Variants in SPATC1L observed in about 807,000 individuals in gnomAD.
The protein encoded by SPATC1L is speriolin-like protein.
SPATC1L carries 20 observed loss-of-function variants against 21.2 expected under a neutral mutation model. That is an observed-to-expected ratio of 0.94 (90% CI 0.66 to 1.37). SPATC1L has a LOEUF of 1.37. Ranked by LOEUF, SPATC1L falls within the 40% of genes most tolerant of loss-of-function variation. The pLI is 0.00. For synonymous variants in SPATC1L, 290 were observed against 234.5 expected (o/e 1.24, Z -2.16); for missense variants, 499 against 478.7 (o/e 1.04, Z -0.40).
Position 46,162,556 on chromosome 21 carries a change from T to A in SPATC1L, c.545-489A>T, listed in dbSNP as rs536722937. 4.5e-4 allele frequency among the ~76,000 whole-genome samples: 67 copies of A among 150,170 alleles called. 2 individuals are homozygous for A. Among genetic ancestry groups the A allele is most frequent in the Non-Finnish European group, 8.1e-4 (55 of 67,812 alleles). On this transcript the variant is annotated intron_variant, in intron 3 of 4. Transcript: ENST00000291672. ...TCAATAAAACTGCTTCATTCTTTCCTACCTCTGAGAAAAGGACCGCTGGGT... is the reference window on the plus strand; with the variant it reads ...TCAATAAAACTGCTTCATTCTTTCCAACCTCTGAGAAAAGGACCGCTGGGT...
chr21:46,181,071 C>T (rs2079669129), intron 2 of SPATC1L, among the ~76,000 whole-genome samples: 1 of 152,204 alleles, frequency 6.6e-6, no homozygotes, highest in South Asian at 2.1e-4. Context: ...TGAGGTCCGG[C>T]CCAGGGTGAT....
chr21:46,161,341 C>A lies in SPATC1L; in HGVS notation c.*38G>T. On this transcript the variant is annotated 3_prime_UTR_variant, in exon 5 of 5. Coordinates refer to ENST00000291672, the MANE Select transcript of SPATC1L (RefSeq NM_001142854.2). ...CACCGCGGCCCCGGGTTGGAACAAA[C>A]GCGTTTACTGCAGGCAAGGCGGCGG... 7 of 1,474,390 alleles carry A rather than the reference C, an allele frequency of 4.7e-6. No individual in the cohort carries two copies. Among genetic ancestry groups the A allele is most frequent in the Non-Finnish European group, 6.3e-6 (7 of 1,117,708 alleles). The allele number at this position is 1,474,390 out of a possible 1,614,324, so 91.3% of individuals were successfully genotyped here.
chr21:46,161,198 C>T lies in SPATC1L; in HGVS notation c.*181G>A, dbSNP rs1024003309. 6.0e-6 allele frequency: 3 copies of T among 501,262 alleles called. No individual in the cohort carries two copies. Among genetic ancestry groups the T allele is most frequent in the African/African-American group, 2.0e-5 (1 of 48,956 alleles). 31.1% of individuals were successfully genotyped at this position (501,262 alleles called of 1,614,324 possible). On this transcript the variant is annotated 3_prime_UTR_variant, in exon 5 of 5. Coordinates refer to ENST00000291672, the MANE Select transcript of SPATC1L (RefSeq NM_001142854.2). ...TTTTAATGAGGGGTGAGAAGCACTC[C>T]GCAGGTGCGGGCAGCGGCGGGCTGC...
At chr21:46,165,791 G>A (rs1163065929) in intron 3 of SPATC1L, among the ~76,000 whole-genome samples, 1 of 152,150 alleles carries the variant, frequency 6.6e-6, no homozygotes, top group Non-Finnish European at 1.5e-5. Flanking sequence ...GTTCCTCTGG[G>A]TTGATCCTCA....
Position 46,182,548 on chromosome 21 carries a change from C to G in SPATC1L, c.193+76G>C, listed in dbSNP as rs992071175. On this transcript the variant is annotated intron_variant, in intron 2 of 4. Coordinates refer to ENST00000291672, the MANE Select transcript of SPATC1L (RefSeq NM_001142854.2). ...CCTCCCGCATCAGGGAGCTGGCCGCCACCCTCGACTCCCGGGGAGCAGGCG... is the reference window on the plus strand; with the variant it reads ...CCTCCCGCATCAGGGAGCTGGCCGCGACCCTCGACTCCCGGGGAGCAGGCG... 3.7e-6 allele frequency: 5 copies of G among 1,354,776 alleles called. No homozygotes were observed. In the African/African-American group the frequency reaches 7.5e-5, roughly 20 times the overall value. 83.9% of individuals were successfully genotyped at this position (1,354,776 alleles called of 1,614,324 possible).
At position 46,163,067 on chromosome 21, in the gene SPATC1L, ACTAACGACTAG is replaced by A. The variant is rs1217366520; in HGVS notation, c.545-1011_545-1001del. Among the ~76,000 whole-genome samples, 3 of 152,180 alleles carry A rather than the reference ACTAACGACTAG, an allele frequency of 2.0e-5. No homozygotes were observed. The East Asian group carries it at 5.8e-4, about 29-fold the overall frequency. ...GGAAACAGTATCTCATTTGCATTTC[ACTAACGACTAG>A]TGATTCGAGCATCTTTTCACGTGCT... On this transcript the variant is annotated intron_variant, in intron 3 of 4. Coordinates refer to ENST00000291672, the MANE Select transcript of SPATC1L (RefSeq NM_001142854.2).
At chr21:46,164,360 G>A (rs1384271541) in intron 3 of SPATC1L, among the ~76,000 whole-genome samples, 2 of 152,114 alleles carry the variant, frequency 1.3e-5, no homozygotes. Context: ...AGTTTTCAGT[G>A]TATTTCTTTC....
chr21:46,169,512 C>T (rs78053819), intron 2 of SPATC1L, among the ~76,000 whole-genome samples: 42 of 105,522 alleles, frequency 4.0e-4, no homozygotes, highest in African/African-American at 5.8e-4. Context: ...GGGAGGAGCC[C>T]CCTGCTCTGT....
chr21:46,180,719 C>G (rs560733967), intron 2 of SPATC1L, among the ~76,000 whole-genome samples: 1 of 152,216 alleles, frequency 6.6e-6, no homozygotes, highest in African/African-American at 2.4e-5. Context: ...GTGCACCACA[C>G]GCTGCCACTC....
intron 2 of SPATC1L, among the ~76,000 whole-genome samples, chr21:46,178,400 T>G (rs1177266940): frequency 6.6e-6 from 1 of 151,990 alleles, no homozygotes; most frequent in East Asian, 1.9e-4. Context: ...CGTGGACACA[T>G]AGAGGGGAAC....
intron 2 of SPATC1L, among the ~76,000 whole-genome samples, chr21:46,181,382 C>T (rs2079672056): frequency 6.6e-6 from 1 of 152,186 alleles, no homozygotes; most frequent in Admixed American, 6.5e-5. Context: ...GCGAGGTGCT[C>T]TCCTCCCAGC....
At chr21:46,172,233 C>A (rs564316543) in intron 2 of SPATC1L, among the ~76,000 whole-genome samples, 2 of 134,972 alleles carry the variant, frequency 1.5e-5, no homozygotes, top group African/African-American at 5.9e-5. Context: ...GAGCACAAAG[C>A]GGGGAGGTGT....
In SPATC1L at chr21:46,161,496, C is replaced by T. The variant is rs779186054; in HGVS notation, c.906G>A (p.Ala302=). The T allele has an allele frequency of 1.5e-5, 24 of 1,606,492 alleles. No homozygotes were observed. In the Admixed American group the frequency reaches 3.5e-4, roughly 24 times the overall value. Residue 302 remains alanine (A), a synonymous_variant, in exon 5 of 5, where the codon GCG becomes GCA. Transcript: ENST00000291672. Reference sequence around the variant, plus strand: ...CCACGTCGATGACCAGCTTGCGCAGCGCGGCCGGGCTGCTGTGCAGGGGGT... The same window carrying T: ...CCACGTCGATGACCAGCTTGCGCAGTGCGGCCGGGCTGCTGTGCAGGGGGT... ...RANPLHSSPA[A]LRKLVIDVVP...
At chr21:46,172,560 T>C (rs2079601879) in intron 2 of SPATC1L, among the ~76,000 whole-genome samples, 1 of 152,238 alleles carries the variant, frequency 6.6e-6, no homozygotes, top group Non-Finnish European at 1.5e-5. Context: ...TTCCCACAGC[T>C]GGTCAGGAGG....
Position 46,168,659 on chromosome 21 carries a change from C to G in SPATC1L, c.194-1G>C. The G allele has an allele frequency of 7.4e-7, 1 of 1,358,700 alleles. No individual in the cohort carries two copies. Among genetic ancestry groups the G allele is most frequent in the Non-Finnish European group, 9.6e-7 (1 of 1,043,194 alleles). The allele number at this position is 1,358,700 out of a possible 1,614,324, so 84.2% of individuals were successfully genotyped here. A position where few individuals can be genotyped will look rare whatever the true frequency, so the allele number is the denominator to read the frequency against. ...CTCGTGAACCTTCCGAAATCTGGAA[C>G]TGAGGCGGGGAGGAAAGGGATGAGA... On this transcript the variant is annotated splice_acceptor_variant, in intron 2 of 4. Transcript: ENST00000291672. LOFTEE classifies it high-confidence loss of function.
chr21:46,164,794 GAA>G (rs72042671), intron 3 of SPATC1L, among the ~76,000 whole-genome samples: 7 of 86,456 alleles, frequency 8.1e-5, no homozygotes, highest in South Asian at 8.8e-4. Context: ...TCCATCTCAA[GAA>G]AAAAAAAAAA....
Position 46,183,514 on chromosome 21 carries a change from GC to G in SPATC1L, c.-699del, listed in dbSNP as rs796953662. ...ACCAGCCTGCAGGGGAGACCAGCTT[GC>G]GGGGGAGACCAGCCTGCGGGGGAGA... On this transcript the variant is annotated 5_prime_UTR_variant, in exon 2 of 5. Transcript: ENST00000291672. 12 of 140,162 alleles carry G rather than the reference GC, an allele frequency of 8.6e-5. No homozygotes were observed. Among genetic ancestry groups the G allele is most frequent in the African/African-American group, 2.4e-4 (9 of 37,728 alleles). The allele number at this position is 140,162 out of a possible 1,614,324, so 8.7% of individuals were successfully genotyped here. A position where few individuals can be genotyped will look rare whatever the true frequency, so the allele number is the denominator to read the frequency against.
Position 46,183,160 on chromosome 21 carries a change from C to T in SPATC1L, c.-344G>A, listed in dbSNP as rs965535599. ...GGCGTCCAAGCCACTCCCCATTGAG[C>T]GGCCCAGCCAGGGTCGGGTGTCCAC... On this transcript the variant is annotated 5_prime_UTR_variant, in exon 2 of 5. Transcript: ENST00000291672. The T allele has an allele frequency of 1.9e-5, 6 of 313,642 alleles. No individual in the cohort carries two copies. Among genetic ancestry groups the T allele is most frequent in the South Asian group, 7.3e-5 (1 of 13,782 alleles). The allele number at this position is 313,642 out of a possible 1,614,324, so 19.4% of individuals were successfully genotyped here.
At chr21:46,178,000 A>G (rs1252071704) in intron 2 of SPATC1L, among the ~76,000 whole-genome samples, 1 of 152,044 alleles carries the variant, frequency 6.6e-6, no homozygotes, top group East Asian at 1.9e-4. Context: ...TTGGGAGGCC[A>G]AGGCAGGTGG....
Sources: allele counts gnomAD v4.1 joint callset (sites outside exome capture counted in the v4.1 genomes callset), GRCh38; gene constraint gnomAD v4.1.1; transcripts MANE v1.5; gene names NCBI Gene and HGNC (gene_info 2026-07-23, HGNC 2026-07-21).